The following HDAC8 variants were observed in gnomAD, a reference collection of about 807,000 sequenced individuals.
HDAC8 encodes histone deacetylase-like 1.
Under a neutral mutation model 32.2 loss-of-function variants are expected in HDAC8, and 1 was observed. The observed-to-expected ratio is 0.03, with a 90% CI of 0.01 to 0.15. The LOEUF is 0.15. Ranked by LOEUF, HDAC8 falls within the 10% of genes least tolerant of loss-of-function variation. The probability of loss-of-function intolerance (pLI) is 1.00; values close to 1 mark genes in which losing one functional copy is unlikely to be tolerated. For missense variants in HDAC8, 117 were observed against 300.0 expected, an observed-to-expected ratio of 0.39 and a Z score of 4.51; for synonymous variants, 108 against 113.9, an observed-to-expected ratio of 0.95 and a Z score of 0.33.
chrX:72,358,711 C>T (rs1555951530), intron 9 of HDAC8, among the ~76,000 whole-genome samples: 1 of 112,382 alleles, frequency 8.9e-6, no homozygotes, highest in African/African-American at 3.2e-5. Context: ...CTAGTGTATA[C>T]CAGCAGTCCC....
intron 9 of HDAC8, among the ~76,000 whole-genome samples, chrX:72,425,978 ATGAAGCT>A (rs1602774821): frequency 8.9e-6 from 1 of 112,231 alleles, no homozygotes; most frequent in African/African-American, 3.2e-5. Flanking sequence ...CTGATTCACC[ATGAAGCT>A]AATCATAAAT....
At chrX:72,353,328 C>T (rs2044236923) in intron 9 of HDAC8, among the ~76,000 whole-genome samples, 2 of 111,932 alleles carry the variant, frequency 1.8e-5, no homozygotes. Context: ...CAAGACTGTG[C>T]CAATGTTTAT....
At chrX:72,343,028 T>C (rs1396461553) in intron 10 of HDAC8, among the ~76,000 whole-genome samples, 1 of 111,369 alleles carries the variant, frequency 9.0e-6, no homozygotes, top group African/African-American at 3.2e-5. Context: ...TCCTAAGTAA[T>C]ATCTTTGAAA....
intron 9 of HDAC8, among the ~76,000 whole-genome samples, chrX:72,356,704 C>A (rs1186698997): frequency 9.0e-6 from 1 of 111,148 alleles, no homozygotes; most frequent in East Asian, 2.8e-4. Context: ...CTCAGCCACC[C>A]GAGTAACTGG....
At chrX:72,474,167 T>C in intron 7 of HDAC8, 1 of 751,999 alleles carries the variant, frequency 1.3e-6, no homozygotes. Flanking sequence ...AAATGTTACC[T>C]CCTCAATTAC....
intron 9 of HDAC8, among the ~76,000 whole-genome samples, chrX:72,383,144 T>C (rs782327861): frequency 8.9e-6 from 1 of 112,416 alleles, no homozygotes; most frequent in Admixed American, 9.4e-5. Context: ...TGCTATGTAC[T>C]AGGCACTGGG....
At chrX:72,401,084 G>T (rs1166355494) in intron 9 of HDAC8, among the ~76,000 whole-genome samples, 1 of 112,037 alleles carries the variant, frequency 8.9e-6, no homozygotes, top group Admixed American at 9.4e-5. Context: ...TTTTCATTGG[G>T]TATATACTTA....
chrX:72,391,805 C>T (rs146106582), intron 9 of HDAC8, among the ~76,000 whole-genome samples: 1 of 111,370 alleles, frequency 9.0e-6, no homozygotes, highest in East Asian at 2.9e-4. Flanking sequence ...CCTTCTGACA[C>T]CTCCTGAGCG....
chrX:72,567,424 T>A (rs782696826), intron 4 of HDAC8, among the ~76,000 whole-genome samples: 1 of 112,573 alleles, frequency 8.9e-6, no homozygotes, highest in Non-Finnish European at 1.9e-5. Context: ...CCATGATTAA[T>A]TTCTTTCTAC....
intron 4 of HDAC8, among the ~76,000 whole-genome samples, chrX:72,511,676 C>T (rs1272315341): frequency 8.9e-6 from 1 of 112,051 alleles, no homozygotes; most frequent in African/African-American, 3.2e-5. Flanking sequence ...AGAGTGTTTG[C>T]TTTAAAATGC....
chrX:72,572,012 T>C (rs782548301), intron 2 of HDAC8, 45 bp downstream of exon 2: 1 of 1,073,441 alleles, frequency 9.3e-7, no homozygotes, highest in African/African-American at 1.9e-5. Flanking sequence ...ATATTAAGGC[T>C]ACGAACACCT....
At chrX:72,355,550 G>C (rs59270845) in intron 9 of HDAC8, among the ~76,000 whole-genome samples, 25,053 of 110,944 alleles carry the variant, frequency 0.23, 4,339 homozygotes, top group African/African-American at 0.59. Context: ...GAAGTGAAAG[G>C]TAGTGGCTAT....
chrX:72,337,239 T>C (rs2043724533), intron 10 of HDAC8, among the ~76,000 whole-genome samples: 1 of 112,622 alleles, frequency 8.9e-6, no homozygotes, highest in African/African-American at 3.2e-5. Flanking sequence ...TCTTGGATGA[T>C]GTGACCATCC....
chrX:72,546,465 C>A (rs1556055477), intron 4 of HDAC8, among the ~76,000 whole-genome samples: 1 of 110,710 alleles, frequency 9.0e-6, no homozygotes, highest in Non-Finnish European at 1.9e-5. Flanking sequence ...AACTGAGATG[C>A]AGAACCAAAC....
intron 9 of HDAC8, among the ~76,000 whole-genome samples, chrX:72,447,189 A>G (rs1010452422): frequency 8.0e-5 from 9 of 112,462 alleles, no homozygotes; most frequent in Non-Finnish European, 1.5e-4. Context: ...AAAATGCTCA[A>G]TAAAATACTG....
chrX:72,348,010 C>T (rs1555947555), intron 10 of HDAC8, among the ~76,000 whole-genome samples: 1 of 112,022 alleles, frequency 8.9e-6, no homozygotes, highest in Non-Finnish European at 1.9e-5. Context: ...CTAAATTTGC[C>T]TGTCCCTTCA....
intron 9 of HDAC8, among the ~76,000 whole-genome samples, chrX:72,354,960 A>G: frequency 8.9e-6 from 1 of 112,125 alleles, no homozygotes; most frequent in Admixed American, 9.4e-5. Context: ...TTGCCTAACC[A>G]AGCCTCATCC....
chrX:72,356,893 C>T (rs1288149925), intron 9 of HDAC8, among the ~76,000 whole-genome samples: 1 of 111,107 alleles, frequency 9.0e-6, no homozygotes, highest in Admixed American at 9.6e-5. Context: ...CTTCTGCAAG[C>T]TTTTAAATGA....
intron 9 of HDAC8, among the ~76,000 whole-genome samples, chrX:72,361,057 AC>A (rs1298748902): frequency 9.0e-6 from 1 of 111,511 alleles, no homozygotes; most frequent in African/African-American, 3.3e-5. Context: ...ATAAGATGCT[AC>A]ATGTGGAGGT....
Sources: gnomAD v4.1 joint callset for allele counts (sites outside exome capture counted in the v4.1 genomes callset) on GRCh38, gnomAD v4.1.1 for gene constraint, MANE v1.5 for transcripts, NCBI Gene and HGNC (gene_info 2026-07-23, HGNC 2026-07-21) for gene names.